The following PCDH11X variants were observed in gnomAD, a reference collection of about 807,000 sequenced individuals.
The protein encoded by PCDH11X is protocadherin 11 X-linked.
In PCDH11X, 18 loss-of-function variants were observed where a neutral mutation model predicts 53.3. The ratio of observed to expected loss-of-function variants is 0.34; its 90% confidence interval spans 0.23 to 0.50. The LOEUF (loss-of-function observed/expected upper bound fraction) is 0.50, where lower values mean the gene tolerates loss of function less well. PCDH11X is among the 20% of genes least tolerant of loss of function. The pLI is 0.98. For missense variants in PCDH11X, 570 were observed against 1,032.4 expected, an observed-to-expected ratio of 0.55 and a Z score of 6.14; for synonymous variants, 279 against 393.3, an observed-to-expected ratio of 0.71 and a Z score of 3.44.
intron 6 of PCDH11X, among the ~76,000 whole-genome samples, chrX:91,949,618 T>A (rs1055234795): frequency 2.7e-5 from 3 of 110,391 alleles, no homozygotes; most frequent in Non-Finnish European, 5.7e-5. Context: ...GATAAATCAC[T>A]CGGCTTCTAG....
chrX:91,965,721 C>T (rs2147896043), intron 6 of PCDH11X, among the ~76,000 whole-genome samples: 1 of 112,125 alleles, frequency 8.9e-6, no homozygotes, highest in East Asian at 2.8e-4. Context: ...ATTCTTTAAA[C>T]AACTATTATT....
intron 6 of PCDH11X, among the ~76,000 whole-genome samples, chrX:91,882,099 G>A: frequency 9.1e-6 from 1 of 109,675 alleles, no homozygotes; most frequent in Non-Finnish European, 1.9e-5. Context: ...TTCTGACTTG[G>A]ATGTTCTGAA....
chrX:92,340,175 G>A (rs2069720045), intron 8 of PCDH11X, among the ~76,000 whole-genome samples: 1 of 111,786 alleles, frequency 8.9e-6, no homozygotes, highest in Non-Finnish European at 1.9e-5. Context: ...GTGGTGGGAA[G>A]GATGGGCTCC....
chrX:91,988,514 C>T (rs185414348), intron 6 of PCDH11X, among the ~76,000 whole-genome samples: 31 of 112,161 alleles, frequency 2.8e-4, no homozygotes, highest in Non-Finnish European at 3.6e-4. Context: ...GCAATCAATT[C>T]GCATGCAGTA....
intron 6 of PCDH11X, among the ~76,000 whole-genome samples, chrX:91,927,036 C>G (rs1320862032): frequency 2.7e-5 from 3 of 111,132 alleles, no homozygotes; most frequent in African/African-American, 9.8e-5. Flanking sequence ...TTTTTAGCTT[C>G]TGCATCAAGA....
chrX:92,476,259 TTC>T (rs1305259550), intron 10 of PCDH11X, among the ~76,000 whole-genome samples: 1 of 111,996 alleles, frequency 8.9e-6, no homozygotes, highest in African/African-American at 3.2e-5. Flanking sequence ...GTGGTTAAAC[TTC>T]TGTTACCTTG....
chrX:92,320,414 T>TTC (rs370928083), intron 8 of PCDH11X, among the ~76,000 whole-genome samples: 15 of 107,537 alleles, frequency 1.4e-4, no homozygotes, highest in African/African-American at 2.4e-4. Context: ...CTCTCTTTCT[T>TTC]TCTCTCTCTC....
chrX:92,250,474 C>A (rs1385739171), intron 7 of PCDH11X, among the ~76,000 whole-genome samples: 1 of 108,576 alleles, frequency 9.2e-6, no homozygotes, highest in African/African-American at 3.3e-5. Flanking sequence ...AAAGATATGT[C>A]CATTCAGAAA....
intron 4 of PCDH11X, among the ~76,000 whole-genome samples, chrX:91,822,341 A>T (rs1936722596): frequency 9.4e-6 from 1 of 105,851 alleles, no homozygotes; most frequent in Non-Finnish European, 1.9e-5. Context: ...GATTATTGCC[A>T]CAATTTCAGA....
chrX:92,002,181 T>C (rs142302571), intron 6 of PCDH11X, among the ~76,000 whole-genome samples: 1,294 of 110,929 alleles, frequency 0.012, 17 homozygotes, highest in South Asian at 0.054. Flanking sequence ...GATATGTTCT[T>C]GGAACCTTTG....
Position 92,295,739 on chromosome X carries a change from TTGTGTG to T in PCDH11X, c.3144+32630_3144+32635del, listed in dbSNP as rs58402010. ...GCATGCTGGATTTTGACAGGTGTGT[TTGTGTG>T]TGTGTGTGTGTGTGTGTGTGTGTGT... On this transcript the variant is annotated intron_variant, in intron 8 of 10. Coordinates refer to ENST00000682573, the MANE Select transcript of PCDH11X (RefSeq NM_032968.5). Among the ~76,000 whole-genome samples the T allele has an allele frequency of 9.0e-3, 645 of 71,536 alleles. 10 individuals carry two copies. The highest frequency in any genetic ancestry group is 0.029 in the African/African-American group (591 of 20,447). 62.1% of individuals were successfully genotyped at this position (71,536 alleles called of 115,157 possible). A position where few individuals can be genotyped will look rare whatever the true frequency, so the allele number is the denominator to read the frequency against.
At chrX:92,221,135 C>T (rs1366329543) in intron 7 of PCDH11X, among the ~76,000 whole-genome samples, 1 of 99,905 alleles carries the variant, frequency 1.0e-5, no homozygotes, top group Non-Finnish European at 2.0e-5. Context: ...ACCAGCATGG[C>T]ACATGTATAC....
At chrX:92,197,519 G>T (rs976542676) in intron 6 of PCDH11X, among the ~76,000 whole-genome samples, 1 of 111,481 alleles carries the variant, frequency 9.0e-6, no homozygotes, top group Admixed American at 9.6e-5. Flanking sequence ...CACAGTAAGG[G>T]TCATGCTTTC....
At chrX:92,258,199 G>T (rs1307589070) in intron 7 of PCDH11X, among the ~76,000 whole-genome samples, 1 of 110,599 alleles carries the variant, frequency 9.0e-6, no homozygotes, top group Non-Finnish European at 1.9e-5. Flanking sequence ...TCCTGAGGCT[G>T]TGCAGTGCAG....
intron 9 of PCDH11X, among the ~76,000 whole-genome samples, chrX:92,417,409 T>C (rs2071839085): frequency 9.0e-6 from 1 of 110,515 alleles, no homozygotes; most frequent in African/African-American, 3.3e-5. Flanking sequence ...AGCTACATAC[T>C]CTGTCTTGGT....
intron 5 of PCDH11X, among the ~76,000 whole-genome samples, chrX:91,837,698 G>A (rs2524446): frequency 0.12 from 12,862 of 110,620 alleles, 1,952 homozygotes; most frequent in African/African-American, 0.4. Context: ...ACTTATAGAA[G>A]TGTGAGGCTT....
chrX:92,441,316 T>A (rs975161053), intron 9 of PCDH11X, among the ~76,000 whole-genome samples: 2 of 110,690 alleles, frequency 1.8e-5, no homozygotes, highest in East Asian at 5.7e-4. Context: ...AGGAGCCAAA[T>A]GTTAATCACC....
intron 6 of PCDH11X, among the ~76,000 whole-genome samples, chrX:92,135,355 A>G (rs1351142019): frequency 9.0e-6 from 1 of 111,531 alleles, no homozygotes; most frequent in Non-Finnish European, 1.9e-5. Flanking sequence ...AGTGTAACGA[A>G]GTCCATTATT....
chrX:92,221,472 C>T (rs2066879293), intron 7 of PCDH11X, among the ~76,000 whole-genome samples: 1 of 110,563 alleles, frequency 9.0e-6, no homozygotes, highest in African/African-American at 3.3e-5. Flanking sequence ...CATTATATGT[C>T]TGTGCCTCTT....
Sources: gnomAD v4.1 joint callset for allele counts (sites outside exome capture counted in the v4.1 genomes callset) on GRCh38, gnomAD v4.1.1 for gene constraint, MANE v1.5 for transcripts, NCBI Gene and HGNC (gene_info 2026-07-23, HGNC 2026-07-21) for gene names.